FAM111B: variants seen among roughly 807,000 people sequenced by gnomAD.
FAM111B encodes serine protease FAM111B.
FAM111B carries 1 observed loss-of-function variant against 2.8 expected under a neutral mutation model. The ratio of observed to expected loss-of-function variants is 0.36; its 90% CI spans 0.13 to 1.70. The LOEUF (loss-of-function observed/expected upper bound fraction) is 1.70, where lower values mean the gene tolerates loss of function less well. Ranked by LOEUF, FAM111B falls within the 40% of genes most tolerant of loss-of-function variation. The pLI, the probability that FAM111B is intolerant of heterozygous loss-of-function variation, is 0.35. For synonymous variants in FAM111B, 297 were observed against 295.6 expected (o/e 1.00, Z -0.05); for missense variants, 882 against 878.9 (o/e 1.00, Z -0.04).
At chr11:59,115,045 A>G (rs1437308523) in intron 3 of FAM111B, among the ~76,000 whole-genome samples, 2 of 152,184 alleles carry the variant, frequency 1.3e-5, no homozygotes. Flanking sequence ...TGACTGACCA[A>G]TAGGTCTAGT....
intron 3 of FAM111B, among the ~76,000 whole-genome samples, chr11:59,113,465 A>G (rs1859791094): frequency 6.6e-6 from 1 of 152,210 alleles, no homozygotes; most frequent in South Asian, 2.1e-4. Flanking sequence ...TCAGAAGTAC[A>G]AGGCACAAGT....
chr11:59,109,075 G>A (rs865935722), intron 2 of FAM111B, among the ~76,000 whole-genome samples: 1 of 152,160 alleles, frequency 6.6e-6, no homozygotes, highest in Non-Finnish European at 1.5e-5. Context: ...GAATTATGAA[G>A]TTTTCTAGTC....
intron 3 of FAM111B, among the ~76,000 whole-genome samples, chr11:59,115,881 T>C (rs1019108625): frequency 6.6e-6 from 1 of 152,216 alleles, no homozygotes; most frequent in Non-Finnish European, 1.5e-5. Context: ...TTTAAGGTCT[T>C]ACAGCCAGTG....
chr11:59,127,410 C>T lies in FAM111B; in HGVS notation c.*1108C>T, dbSNP rs1056315577. ...TAAAAGTTTAAAATATATATAATGC[C>T]AATAATTTAGAGTATTGGAGGCTGT... On this transcript the variant is annotated 3_prime_UTR_variant, in exon 4 of 4. Transcript: ENST00000343597. The T allele has an allele frequency of 2.0e-5, 3 of 151,980 alleles. No individual in the cohort carries two copies. The highest frequency in any genetic ancestry group is 3.9e-4 in the East Asian group (2 of 5,190). 9.4% of individuals were successfully genotyped at this position (151,980 alleles called of 1,614,324 possible).
At chr11:59,113,178 G>A (rs1175280093) in intron 3 of FAM111B, among the ~76,000 whole-genome samples, 1 of 143,232 alleles carries the variant, frequency 7.0e-6, no homozygotes, top group Non-Finnish European at 1.5e-5. Flanking sequence ...GCAATATCTG[G>A]ATCAAAGTTT....
intron 3 of FAM111B, among the ~76,000 whole-genome samples, chr11:59,122,885 G>T (rs924676372): frequency 6.6e-6 from 1 of 152,128 alleles, no homozygotes; most frequent in Non-Finnish European, 1.5e-5. Flanking sequence ...TCCAAGCCGA[G>T]CTGTACCTCC....
At chr11:59,109,285 T>C (rs1859717206) in intron 2 of FAM111B, among the ~76,000 whole-genome samples, 1 of 152,222 alleles carries the variant, frequency 6.6e-6, no homozygotes, top group African/African-American at 2.4e-5. Flanking sequence ...TCCCTAGTAC[T>C]CTGTCATACA....
At chr11:59,111,484 A>T (rs1460573841) in intron 3 of FAM111B, among the ~76,000 whole-genome samples, 3 of 152,204 alleles carry the variant, frequency 2.0e-5, no homozygotes, top group Non-Finnish European at 4.4e-5. Context: ...CAATTCACTT[A>T]AGACTTTGTT....
At position 59,124,907 on chromosome 11, in the gene FAM111B, A is replaced by T; in HGVS notation, c.810A>T (p.Lys270Asn). 6.3e-7 allele frequency: 1 copy of T among 1,596,880 alleles called. No individual in the cohort carries two copies. Among genetic ancestry groups the T allele is most frequent in the African/African-American group, 1.4e-5 (1 of 73,594 alleles). ...AAGTCTTAGAAATGGACATTTCAAAAAAAAAAGCATTACAACAGAAAGATA... is the reference window on the plus strand; with the variant it reads ...AAGTCTTAGAAATGGACATTTCAAATAAAAAAGCATTACAACAGAAAGATA... Reference protein sequence around the residue: ...SGKVLEMDISKKKALQQKDIH... With the variant: ...SGKVLEMDISNKKALQQKDIH... The change falls in exon 4 of 4, where the codon AAA (lysine) becomes AAT (asparagine). Residue 270 changes from lysine to asparagine, a missense_variant. Coordinates refer to ENST00000343597, the MANE Select transcript of FAM111B (RefSeq NM_198947.4).
At position 59,109,679 on chromosome 11, in the gene FAM111B, C is replaced by A. The variant is rs200783344; in HGVS notation, c.54C>A (p.Asp18Glu). ...ENKSFSAMEDDQRTRPEVSKD... is the reference protein window; with the variant it reads ...ENKSFSAMEDEQRTRPEVSKD... Reference sequence around the variant, plus strand: ...AGTCATTTAGCGCTATGGAAGATGACCAGAGGACTAGACCTGAAGTTTCAA... The same window carrying A: ...AGTCATTTAGCGCTATGGAAGATGAACAGAGGACTAGACCTGAAGTTTCAA... Residue 18 changes from aspartate to glutamate, a missense_variant, in exon 3 of 4, where the codon GAC becomes GAA. By Grantham distance (45) the Asp-to-Glu change is conservative. Transcript: ENST00000343597. The A allele has an allele frequency of 3.6e-5, 58 of 1,611,940 alleles. No individual in the cohort carries two copies. Among genetic ancestry groups the A allele is most frequent in the Non-Finnish European group, 4.2e-5 (50 of 1,178,906 alleles).
chr11:59,126,312 GCT>G lies in FAM111B; in HGVS notation c.*11_*12del. 1 of 1,494,296 alleles carries G rather than the reference GCT, an allele frequency of 6.7e-7. No individual in the cohort carries two copies. Among genetic ancestry groups the G allele is most frequent in the Admixed American group, 2.4e-5 (1 of 41,740 alleles). The allele number at this position is 1,494,296 out of a possible 1,614,324, so 92.6% of individuals were successfully genotyped here. A position where few individuals can be genotyped will look rare whatever the true frequency, so the allele number is the denominator to read the frequency against. The stretch of plus-strand genomic sequence containing the variant: ...ACCCATGGAATGTTAGAAAAGAGAT[GCT>G]GTCTTCAAGAAAATATGCCAATAAT... On this transcript the variant is annotated 3_prime_UTR_variant, in exon 4 of 4. Transcript: ENST00000343597.
intron 3 of FAM111B, among the ~76,000 whole-genome samples, chr11:59,117,915 T>G (rs934444669): frequency 2.6e-5 from 4 of 152,214 alleles, no homozygotes; most frequent in African/African-American, 2.4e-5. Flanking sequence ...CATAGATTTA[T>G]TGAAGTGAAA....
rs367710986 is a variant in FAM111B, at chr11:59,126,310, A to T, written c.*8A>T. 230 of 1,498,640 alleles carry T rather than the reference A, an allele frequency of 1.5e-4. No homozygotes were observed. In the Middle Eastern group the frequency reaches 5.0e-3, roughly 33 times the overall value. The allele number at this position is 1,498,640 out of a possible 1,614,324, so 92.8% of individuals were successfully genotyped here. Reference sequence around the variant, plus strand: ...GAACCCATGGAATGTTAGAAAAGAGATGCTGTCTTCAAGAAAATATGCCAA... The same window carrying T: ...GAACCCATGGAATGTTAGAAAAGAGTTGCTGTCTTCAAGAAAATATGCCAA... On this transcript the variant is annotated 3_prime_UTR_variant, in exon 4 of 4. Transcript: ENST00000343597.
At position 59,125,216 on chromosome 11, in the gene FAM111B, G is replaced by T. The variant is rs891609371; in HGVS notation, c.1119G>T (p.Arg373=). The stretch of plus-strand genomic sequence containing the variant: ...GACGGAGGCCGCATCTGGGTAGGCG[G>T]TATGCTATTAATCTGGATGTCCAAA... ...QVRRRPHLGR[R]YAINLDVQKE... The change falls in exon 4 of 4, where the codon CGG becomes CGT. Residue 373 remains arginine (R), a synonymous_variant. Transcript: ENST00000343597. 3.7e-6 allele frequency: 6 copies of T among 1,613,806 alleles called. No individual in the cohort carries two copies. The highest frequency in any genetic ancestry group is 1.3e-5 in the African/African-American group (1 of 74,898).
intron 3 of FAM111B, among the ~76,000 whole-genome samples, chr11:59,113,834 G>T (rs1361478039): frequency 6.6e-6 from 1 of 152,218 alleles, no homozygotes; most frequent in African/African-American, 2.4e-5. Context: ...AGAGGGAAGT[G>T]TTTTCCAATT....
At chr11:59,121,550 A>G (rs1366595411) in intron 3 of FAM111B, among the ~76,000 whole-genome samples, 1 of 152,232 alleles carries the variant, frequency 6.6e-6, no homozygotes, top group Non-Finnish European at 1.5e-5. Context: ...TATCTATTAT[A>G]ATAAAGATGA....
chr11:59,126,758 T>C lies in FAM111B; in HGVS notation c.*456T>C, dbSNP rs1391303279. 1 of 158,440 alleles carries C rather than the reference T, an allele frequency of 6.3e-6. No homozygotes were observed. Among genetic ancestry groups the C allele is most frequent in the Non-Finnish European group, 1.5e-5 (1 of 68,362 alleles). The allele number at this position is 158,440 out of a possible 1,614,324, so 9.8% of individuals were successfully genotyped here. A position where few individuals can be genotyped will look rare whatever the true frequency, so the allele number is the denominator to read the frequency against. Reference sequence around the variant, plus strand: ...AAAAAATTACAGATGCTGGCGAGGTTGCAGAGAAAGGGGAATGCTTATACA... The same window carrying C: ...AAAAAATTACAGATGCTGGCGAGGTCGCAGAGAAAGGGGAATGCTTATACA... On this transcript the variant is annotated 3_prime_UTR_variant, in exon 4 of 4. Transcript: ENST00000343597.
At chr11:59,109,515 G>T (rs1449071309) in intron 2 of FAM111B, 25 bp from the exon 3 acceptor site, 2 of 650,540 alleles carry the variant, frequency 3.1e-6, no homozygotes, top group Non-Finnish European at 5.1e-6. Context: ...TTATTTCATA[G>T]ATCTTGTTTT....
chr11:59,109,433 C>T (rs998167012), intron 2 of FAM111B, 107 bp from the exon 3 acceptor site: 40 of 469,034 alleles, frequency 8.5e-5, no homozygotes, highest in African/African-American at 7.1e-4. Flanking sequence ...ATAGGGCTTA[C>T]CTCATATGAT....
Sources: gnomAD v4.1 joint callset for allele counts (sites outside exome capture counted in the v4.1 genomes callset) on GRCh38, gnomAD v4.1.1 for gene constraint, MANE v1.5 for transcripts, NCBI Gene and HGNC (gene_info 2026-07-23, HGNC 2026-07-21) for gene names.